SGSM1: variants seen among roughly 807,000 people sequenced by gnomAD.
SGSM1 encodes RUN and TBC1 domain containing 2.
In SGSM1, 73 loss-of-function variants were observed where a neutral mutation model predicts 133.8. The observed-to-expected ratio is 0.55, with a 90% CI of 0.45 to 0.66. SGSM1 has a LOEUF of 0.66. Ranked by LOEUF, SGSM1 falls within the 30% of genes least tolerant of loss-of-function variation. The probability of loss-of-function intolerance (pLI) is 0.00; values close to 1 mark genes in which losing one functional copy is unlikely to be tolerated. For missense variants in SGSM1, 1,213 were observed against 1,448.1 expected (o/e 0.84, Z 2.64); for synonymous variants, 563 against 573.0 (o/e 0.98, Z 0.25).
At chr22:24,886,753 G>A (rs1331552011) in intron 16 of SGSM1, 25 bp downstream of exon 16, 1 of 1,565,844 alleles carries the variant, frequency 6.4e-7, no homozygotes, top group Non-Finnish European at 8.7e-7. Context: ...ATGGGCACTG[G>A]GATCTTTGGC....
At chr22:24,903,418 A>T (rs950041259) in intron 20 of SGSM1, among the ~76,000 whole-genome samples, 2 of 152,082 alleles carry the variant, frequency 1.3e-5, no homozygotes, top group African/African-American at 4.8e-5. Context: ...CATGTTGCCC[A>T]GGCTGGTCTT....
chr22:24,924,100 C>T, intron 24 of SGSM1, 86 bp from the exon 25 acceptor site: 1 of 1,231,134 alleles, frequency 8.1e-7, no homozygotes. Context: ...TGGAGATGCC[C>T]CCAGAGAAGC....
chr22:24,855,348 C>T lies in SGSM1; in HGVS notation c.587C>T (p.Ser196Leu). ...GCAGATCACTTCTGGACCGATCCCT[C>T]GGCTGACGAACTTGTCCAGAGGCAC... ...KTADHFWTDP[S>L]ADELVQRHRI... The change falls in exon 7 of 25, where the codon TCG (serine) becomes TTG (leucine). Residue 196 changes from serine to leucine, a missense_variant. Physicochemically the swap from Ser to Leu is moderately radical, Grantham distance 145. Transcript: ENST00000400358. The T allele has an allele frequency of 3.1e-6, 5 of 1,613,380 alleles. No individual in the cohort carries two copies. The highest frequency in any genetic ancestry group is 2.7e-5 in the African/African-American group (2 of 75,006).
At chr22:24,904,356 G>A (rs984045068) in intron 20 of SGSM1, among the ~76,000 whole-genome samples, 6 of 152,030 alleles carry the variant, frequency 3.9e-5, no homozygotes, top group East Asian at 1.9e-4. Context: ...CGAGACGGGC[G>A]GGTCATGAGG....
At chr22:24,910,317 C>T (rs1933571971) in intron 21 of SGSM1, among the ~76,000 whole-genome samples, 1 of 152,088 alleles carries the variant, frequency 6.6e-6, no homozygotes, top group Non-Finnish European at 1.5e-5. Context: ...CTAAGTGGTA[C>T]ATTTAAAGGG....
intron 2 of SGSM1, among the ~76,000 whole-genome samples, chr22:24,834,751 A>G (rs1232036457): frequency 8.5e-6 from 1 of 117,286 alleles, no homozygotes; most frequent in Non-Finnish European, 1.7e-5. Flanking sequence ...ATATACGTCT[A>G]AATTTCCTTT....
chr22:24,898,285 A>C lies in SGSM1; in HGVS notation c.2336A>C (p.Gln779Pro), dbSNP rs1259665769. 1 of 1,613,958 alleles carries C rather than the reference A, an allele frequency of 6.2e-7. No homozygotes were observed. Among genetic ancestry groups the C allele is most frequent in the Non-Finnish European group, 8.5e-7 (1 of 1,179,870 alleles). The change falls in exon 19 of 25, where the codon CAG becomes CCG. Residue 779 changes from glutamine to proline, a missense_variant. Transcript: ENST00000400358. ...DEAPREELAV[Q>P]DSLESDLLAN... ...GCTCCCCGGGAGGAGCTGGCCGTGC[A>C]GGACAGCCTGGAGAGTGACCTCCTG...
intron 2 of SGSM1, among the ~76,000 whole-genome samples, chr22:24,822,211 C>T (rs930356427): frequency 6.6e-6 from 1 of 151,574 alleles, no homozygotes; most frequent in Admixed American, 6.6e-5. Flanking sequence ...CTGCCTCAGC[C>T]TCCCGAGTAG....
At chr22:24,811,630 C>G (rs565712956) in intron 2 of SGSM1, among the ~76,000 whole-genome samples, 19 of 152,116 alleles carry the variant, frequency 1.2e-4, no homozygotes, top group African/African-American at 4.6e-4. Flanking sequence ...CTTTGGGAGG[C>G]CAAGGTGGGA....
intron 9 of SGSM1, among the ~76,000 whole-genome samples, chr22:24,865,295 G>A (rs1358675114): frequency 6.6e-6 from 1 of 152,206 alleles, no homozygotes; most frequent in Non-Finnish European, 1.5e-5. Context: ...GCAACCCAGC[G>A]TGATGGGCAC....
intron 2 of SGSM1, among the ~76,000 whole-genome samples, chr22:24,819,916 C>T (rs767720476): frequency 5.3e-5 from 8 of 152,178 alleles, no homozygotes; most frequent in Non-Finnish European, 8.8e-5. Context: ...TTCCCCTCCA[C>T]GCCCCCAAGT....
chr22:24,909,323 A>G (rs915107730), intron 21 of SGSM1, among the ~76,000 whole-genome samples: 3 of 152,224 alleles, frequency 2.0e-5, no homozygotes, highest in South Asian at 2.1e-4. Flanking sequence ...ATACCACTTC[A>G]TATACACTGG....
At chr22:24,915,301 G>A (rs563838833) in intron 22 of SGSM1, among the ~76,000 whole-genome samples, 4 of 152,348 alleles carry the variant, frequency 2.6e-5, no homozygotes, top group Admixed American at 1.3e-4. Context: ...CCTGCTGCAT[G>A]CACGCAACAA....
intron 16 of SGSM1, among the ~76,000 whole-genome samples, chr22:24,888,560 G>C (rs995472100): frequency 1.3e-5 from 2 of 152,064 alleles, no homozygotes; most frequent in East Asian, 3.9e-4. Context: ...CTGAGGTCAG[G>C]AGTTCAAGAC....
In SGSM1 at chr22:24,897,993, G is replaced by C; in HGVS notation, c.2044G>C (p.Val682Leu). The change falls in exon 19 of 25, where the codon GTG becomes CTG. Residue 682 changes from valine (V) to leucine (L), a missense_variant. Physicochemically the swap from Val to Leu is conservative, Grantham distance 32. Transcript: ENST00000400358. Reference sequence around the variant, plus strand: ...TCAGGTGTTTGAGTCTGTGGATGAGGTGGAGCAGGTGGAGGCTGAAGGCAG... The same window carrying C: ...TCAGGTGTTTGAGTCTGTGGATGAGCTGGAGCAGGTGGAGGCTGAAGGCAG... ...STQVFESVDE[V>L]EQVEAEGRLE... is the part of the protein sequence containing the mutation. The C allele has an allele frequency of 6.2e-7, 1 of 1,604,824 alleles. No homozygotes were observed. The highest frequency in any genetic ancestry group is 8.5e-7 in the Non-Finnish European group (1 of 1,175,684).
In SGSM1 at chr22:24,926,744, A is replaced by C. The variant is rs2123762694; in HGVS notation, c.*2470A>C. The stretch of plus-strand genomic sequence containing the variant: ...TGCGTGGGACTCGTTCTGTCCGCGG[A>C]GTGCACTCTTTTTTTCAGTGTGGCC... On this transcript the variant is annotated 3_prime_UTR_variant, in exon 25 of 25. Coordinates refer to ENST00000400358, the MANE Select transcript of SGSM1 (RefSeq NM_001098497.3). The C allele has an allele frequency of 6.6e-6, 1 of 151,984 alleles. No individual in the cohort carries two copies. The highest frequency in any genetic ancestry group is 1.5e-5 in the Non-Finnish European group (1 of 67,984). 9.4% of individuals were successfully genotyped at this position (151,984 alleles called of 1,614,324 possible).
Position 24,903,975 on chromosome 22 carries a change from C to CA in SGSM1, c.2736-1125dup, listed in dbSNP as rs1412090808. Among the ~76,000 whole-genome samples, 462 of 89,638 alleles carry CA rather than the reference C, an allele frequency of 5.2e-3. 4 individuals carry two copies. The highest frequency in any genetic ancestry group is 0.02 in the African/African-American group (412 of 20,802). The allele number at this position is 89,638 out of a possible 152,430, so 58.8% of individuals were successfully genotyped here. ...CAACAAGAACAAAACTCTGTCTCAA[C>CA]AAAAAGAAAAAAAAAAAAAAAAGGA... On this transcript the variant is annotated intron_variant, in intron 20 of 24. Coordinates refer to ENST00000400358, the MANE Select transcript of SGSM1 (RefSeq NM_001098497.3).
chr22:24,849,467 C>T (rs1007407437), intron 4 of SGSM1, among the ~76,000 whole-genome samples: 2 of 152,120 alleles, frequency 1.3e-5, no homozygotes, highest in African/African-American at 2.4e-5. Flanking sequence ...GCAGGAGAAT[C>T]GCTTGAACCC....
intron 8 of SGSM1, 84 bp from the exon 9 acceptor site, chr22:24,859,632 G>A: frequency 6.4e-7 from 1 of 1,573,078 alleles, no homozygotes; most frequent in Non-Finnish European, 8.7e-7. Flanking sequence ...TTCTGATTAT[G>A]TGTTCTTAAA....
Sources: allele counts gnomAD v4.1 joint callset (sites outside exome capture counted in the v4.1 genomes callset), GRCh38; gene constraint gnomAD v4.1.1; transcripts MANE v1.5; gene names NCBI Gene and HGNC (gene_info 2026-07-23, HGNC 2026-07-21).